The following ALK variants were observed in gnomAD, a reference collection of about 807,000 sequenced individuals.
ALK encodes the protein ALK receptor tyrosine kinase.
ALK carries 74 observed loss-of-function variants against 163.1 expected under a neutral mutation model. The ratio of observed to expected loss-of-function variants is 0.45; its 90% CI spans 0.38 to 0.55. The LOEUF is 0.55. Among genes scored for constraint, ALK ranks in the 20% least tolerant of loss-of-function variants. The pLI is 0.00. For synonymous variants in ALK, 960 were observed against 843.2 expected, an observed-to-expected ratio of 1.14 and a Z score of -2.40; for missense variants, 2,063 against 2,105.3, an observed-to-expected ratio of 0.98 and a Z score of 0.39.
At chr2:29,429,340 C>A (rs763625891) in intron 4 of ALK, among the ~76,000 whole-genome samples, 3 of 151,842 alleles carry the variant, frequency 2.0e-5, no homozygotes, top group South Asian at 2.1e-4. Context: ...AATGACATAA[C>A]CTTGTGTATA....
At chr2:29,480,540 A>C (rs1187433180) in intron 4 of ALK, among the ~76,000 whole-genome samples, 1 of 152,184 alleles carries the variant, frequency 6.6e-6, no homozygotes, top group African/African-American at 2.4e-5. Flanking sequence ...GTCCTAGGTG[A>C]TTGTCTGTTA....
At position 29,848,373 on chromosome 2, in the gene ALK, GT is replaced by G. The variant is rs571799550; in HGVS notation, c.667+71619del. On this transcript the variant is annotated intron_variant, in intron 1 of 28. Coordinates refer to ENST00000389048, the MANE Select transcript of ALK (RefSeq NM_004304.5). ...TTTTTTTTTTTTTTTAAACTAGCAA[GT>G]TTGAGAACCACTGAGCTAGACTTAA... is the stretch of plus-strand genomic sequence containing the variant. Among the ~76,000 whole-genome samples, 295 of 149,000 alleles carry G rather than the reference GT, an allele frequency of 2.0e-3. 3 individuals carry two copies. Among genetic ancestry groups the G allele is most frequent in the African/African-American group, 7.1e-3 (286 of 40,282 alleles).
intron 3 of ALK, among the ~76,000 whole-genome samples, chr2:29,591,070 CAAAAAAAAA>C (rs35070273): frequency 2.6e-4 from 12 of 46,914 alleles, no homozygotes; most frequent in East Asian, 8.2e-4. Flanking sequence ...GACTCCGTCT[CAAAAAAAAA>C]AAAAAAAAAA....
At chr2:29,700,164 T>C (rs1678690117) in intron 2 of ALK, among the ~76,000 whole-genome samples, 1 of 152,208 alleles carries the variant, frequency 6.6e-6, no homozygotes, top group South Asian at 2.1e-4. Context: ...GGACTTGTTG[T>C]CATCCCAAGA....
chr2:29,534,109 T>G (rs1162229480), intron 3 of ALK, among the ~76,000 whole-genome samples: 1 of 151,720 alleles, frequency 6.6e-6, no homozygotes, highest in Admixed American at 6.6e-5. Context: ...CAGAGAGCAT[T>G]GCTTCTTGGC....
chr2:29,306,120 G>C (rs898472501), intron 8 of ALK, among the ~76,000 whole-genome samples: 11 of 152,190 alleles, frequency 7.2e-5, no homozygotes, highest in African/African-American at 2.4e-4. Flanking sequence ...CTGGCCTACT[G>C]GATATGAAGT....
intron 9 of ALK, among the ~76,000 whole-genome samples, chr2:29,296,658 G>A (rs1020828574): frequency 6.6e-6 from 1 of 152,210 alleles, no homozygotes. Flanking sequence ...CCCGAGACAA[G>A]TGTTCAGTAG....
At chr2:29,425,989 T>G (rs1281318682) in intron 4 of ALK, among the ~76,000 whole-genome samples, 1 of 152,208 alleles carries the variant, frequency 6.6e-6, no homozygotes, top group South Asian at 2.1e-4. Flanking sequence ...TCAAAAATTA[T>G]GTCTGTAAAG....
At chr2:29,436,203 T>C (rs1670392279) in intron 4 of ALK, among the ~76,000 whole-genome samples, 1 of 152,186 alleles carries the variant, frequency 6.6e-6, no homozygotes. Flanking sequence ...AAAATAGATA[T>C]TGAGCCTACC....
chr2:29,367,658 G>A (rs1312400658), intron 5 of ALK, among the ~76,000 whole-genome samples: 1 of 152,212 alleles, frequency 6.6e-6, no homozygotes. Flanking sequence ...TCAGCTCCCT[G>A]AGTAGTGCTG....
At chr2:29,407,043 G>A (rs1017375111) in intron 4 of ALK, among the ~76,000 whole-genome samples, 2 of 152,134 alleles carry the variant, frequency 1.3e-5, no homozygotes, top group Non-Finnish European at 2.9e-5. Flanking sequence ...CTGATTAGCA[G>A]CACATCTTAT....
intron 1 of ALK, among the ~76,000 whole-genome samples, chr2:29,907,492 T>C (rs1427688750): frequency 6.6e-6 from 1 of 152,218 alleles, no homozygotes. Context: ...TTGCTCTTGG[T>C]CCAACACAAT....
At chr2:29,623,206 G>C (rs1368724514) in intron 3 of ALK, among the ~76,000 whole-genome samples, 1 of 152,134 alleles carries the variant, frequency 6.6e-6, no homozygotes, top group African/African-American at 2.4e-5. Flanking sequence ...CCACTTCTGG[G>C]AATCTAGCCT....
At position 29,710,499 on chromosome 2, in the gene ALK, CGTGTGTGTGTGTGTGT is replaced by C. The variant is rs55939983; in HGVS notation, c.787+7063_787+7078del. ...ACCAGCTTCAACCTCAGTCTGTGTG[CGTGTGTGTGTGTGTGT>C]GTGTGTGTGTGTGTGTGTATGATGG... On this transcript the variant is annotated intron_variant, in intron 2 of 28. Transcript: ENST00000389048. 3.7e-3 allele frequency among the ~76,000 whole-genome samples: 535 copies of C among 144,764 alleles called. 2 individuals are homozygous for C. The highest frequency in any genetic ancestry group is 0.013 in the African/African-American group (512 of 39,002). 95.0% of individuals were successfully genotyped at this position (144,764 alleles called of 152,430 possible).
chr2:29,235,643 T>C (rs1002276695), intron 13 of ALK, among the ~76,000 whole-genome samples: 4 of 151,802 alleles, frequency 2.6e-5, no homozygotes, highest in African/African-American at 9.7e-5. Context: ...TGGGGATGGG[T>C]CTGAGGGATG....
intron 1 of ALK, among the ~76,000 whole-genome samples, chr2:29,726,890 C>CT (rs1394888740): frequency 2.6e-5 from 4 of 152,174 alleles, no homozygotes; most frequent in Non-Finnish European, 4.4e-5. Context: ...CCAGTGAGTA[C>CT]TAGGATAGGA....
chr2:29,830,972 AGAAG>A (rs1318193404), intron 1 of ALK, among the ~76,000 whole-genome samples: 1 of 41,636 alleles, frequency 2.4e-5, no homozygotes, highest in African/African-American at 8.2e-5. Context: ...AAGAAGAAGA[AGAAG>A]AAGAAGAAGA....
Position 29,717,622 on chromosome 2 carries a change from A to G in ALK, c.743T>C (p.Ile248Thr). Residue 248 changes from isoleucine (I) to threonine (T), a missense_variant, in exon 2 of 29, where the codon ATA becomes ACA. Transcript: ENST00000389048. ...PDYFTWNLTW[I>T]MKDSFPFLSH... is the part of the protein sequence containing the mutation. ...CAGGAAAGGGAAGGAGTCTTTCATT[A>G]TCCAGGTGAGATTCCATGTAAAATA... 6.2e-7 allele frequency: 1 copy of G among 1,614,042 alleles called. No homozygotes were observed. The highest frequency in any genetic ancestry group is 1.3e-5 in the African/African-American group (1 of 75,056).
intron 4 of ALK, among the ~76,000 whole-genome samples, chr2:29,515,441 G>A (rs934177580): frequency 1.3e-5 from 2 of 152,036 alleles, no homozygotes; most frequent in Non-Finnish European, 2.9e-5. Context: ...AGAGGAATTC[G>A]TATTGAAATA....
Sources: gnomAD v4.1 joint callset for allele counts (sites outside exome capture counted in the v4.1 genomes callset) on GRCh38, gnomAD v4.1.1 for gene constraint, MANE v1.5 for transcripts, NCBI Gene and HGNC (gene_info 2026-07-23, HGNC 2026-07-21) for gene names.